SPTBN1: variants seen among roughly 807,000 people sequenced by gnomAD.
SPTBN1 encodes spectrin beta chain, non-erythrocytic 1.
SPTBN1 carries 32 observed loss-of-function variants against 266.4 expected under a neutral mutation model. The ratio of observed to expected loss-of-function variants is 0.12; its 90% CI spans 0.09 to 0.16. SPTBN1 has a LOEUF of 0.16. Ranked by LOEUF, SPTBN1 falls within the 10% of genes least tolerant of loss-of-function variation. SPTBN1 has a pLI of 1.00. For synonymous variants in SPTBN1, 1,336 were observed against 1,162.2 expected (o/e 1.15, Z -3.04); for missense variants, 2,296 against 3,067.1 (o/e 0.75, Z 5.94).
intron 1 of SPTBN1, among the ~76,000 whole-genome samples, chr2:54,479,044 C>T (rs569179005): frequency 1.3e-5 from 2 of 152,270 alleles, no homozygotes; most frequent in Non-Finnish European, 2.9e-5. Flanking sequence ...TCCTGGCTGC[C>T]TGGCCAGGCT....
chr2:54,490,253 G>T (rs1336255998), intron 1 of SPTBN1, among the ~76,000 whole-genome samples: 1 of 152,004 alleles, frequency 6.6e-6, no homozygotes, highest in Non-Finnish European at 1.5e-5. Flanking sequence ...TGTATTTTTA[G>T]TAGAGACAGG....
chr2:54,647,578 C>T (rs1680003491), intron 24 of SPTBN1, among the ~76,000 whole-genome samples: 1 of 152,180 alleles, frequency 6.6e-6, no homozygotes, highest in African/African-American at 2.4e-5. Flanking sequence ...GTGGCTTACA[C>T]TTGTAATCCC....
intron 2 of SPTBN1, among the ~76,000 whole-genome samples, chr2:54,595,458 G>C (rs1676006969): frequency 6.6e-6 from 1 of 152,232 alleles, no homozygotes; most frequent in East Asian, 1.9e-4. Context: ...GGGAGGACTT[G>C]ATAACAGCGA....
At chr2:54,563,210 T>C (rs1243378780) in intron 2 of SPTBN1, among the ~76,000 whole-genome samples, 4 of 152,200 alleles carry the variant, frequency 2.6e-5, no homozygotes, top group Non-Finnish European at 5.9e-5. Flanking sequence ...TGGTTCCCTC[T>C]CCTGCCAACC....
intron 1 of SPTBN1, among the ~76,000 whole-genome samples, chr2:54,512,927 G>A (rs1371305337): frequency 6.6e-6 from 1 of 152,186 alleles, no homozygotes. Flanking sequence ...GGCTGGGCAC[G>A]GTGGCTTAGG....
At position 54,526,483 on chromosome 2, in the gene SPTBN1, A is replaced by G. The variant is rs993278681; in HGVS notation, c.65A>G (p.Asn22Ser). ...IEIQQQYSDV[N>S]NRWDVDDWDN... is the part of the protein sequence containing the mutation. ...ATCCAGCAGCAGTACAGTGATGTCA[A>G]CAACCGCTGGGATGTCGACGACTGG... The change falls in exon 2 of 36, where the codon AAC (asparagine) becomes AGC (serine). Residue 22 changes from asparagine to serine, a missense_variant. Asn to Ser is a conservative substitution (Grantham distance 46, BLOSUM62 1). Transcript: ENST00000356805. 4 of 1,614,226 alleles carry G rather than the reference A, an allele frequency of 2.5e-6. No individual in the cohort carries two copies. The highest frequency in any genetic ancestry group is 3.4e-6 in the Non-Finnish European group (4 of 1,180,044).
rs1489594545 is a variant in SPTBN1, at chr2:54,629,574, C to T, written c.2440C>T (p.His814Tyr). Residue 814 changes from histidine to tyrosine, a missense_variant, in exon 14 of 36, where the codon CAT (histidine) becomes TAT (tyrosine). By Grantham distance (83) the His-to-Tyr change is moderately conservative. This residue lies in a region of SPTBN1 where 434 missense variants were observed against 573.9 expected (regional missense o/e 0.76). Coordinates refer to ENST00000356805, the MANE Select transcript of SPTBN1 (RefSeq NM_003128.3). ...HEQASALPQE[H>Y]AESPDVRGRL... ...ACAAGCCAGCGCCCTCCCCCAGGAG[C>T]ATGCCGAGTCTCCAGACGTGAGGGG... 1.2e-6 allele frequency: 2 copies of T among 1,614,082 alleles called. No homozygotes were observed. Among genetic ancestry groups the T allele is most frequent in the African/African-American group, 2.7e-5 (2 of 75,066 alleles).
At chr2:54,529,381 G>A (rs759316784) in intron 2 of SPTBN1, 16 of 661,718 alleles carry the variant, frequency 2.4e-5, no homozygotes, top group East Asian at 8.7e-5. Flanking sequence ...CTCCTGGCCC[G>A]CCTAAAGCTG....
chr2:54,654,922 C>G, intron 27 of SPTBN1, 148 bp from the exon 28 acceptor site: 1 of 1,166,892 alleles, frequency 8.6e-7, no homozygotes, highest in South Asian at 1.7e-5. Flanking sequence ...AGTGGCCCAG[C>G]CTAAGCTCAG....
chr2:54,544,796 C>CT (rs1672140700), intron 2 of SPTBN1, among the ~76,000 whole-genome samples: 1 of 151,840 alleles, frequency 6.6e-6, no homozygotes, highest in Non-Finnish European at 1.5e-5. Flanking sequence ...TTTTATTATA[C>CT]TTTAAGTTCT....
intron 32 of SPTBN1, chr2:54,660,321 T>A (rs1680952191): frequency 3.1e-6 from 4 of 1,285,898 alleles, no homozygotes; most frequent in Non-Finnish European, 3.9e-6. Context: ...TTATTAAGAT[T>A]TTACAGCGAA....
chr2:54,500,205 A>G (rs929155100), intron 1 of SPTBN1, among the ~76,000 whole-genome samples: 2 of 152,212 alleles, frequency 1.3e-5, no homozygotes, highest in African/African-American at 4.8e-5. Context: ...TTTATGTTTG[A>G]GACATTTTAT....
At position 54,669,544 on chromosome 2, in the gene SPTBN1, A is replaced by G. The variant is rs1231650469; in HGVS notation, c.*975A>G. On this transcript the variant is annotated 3_prime_UTR_variant, in exon 36 of 36. Transcript: ENST00000356805. ...CACAATCAAAATGACATTGATAGGAATGAACTCCAGAGGCTGGGCCTGAAC... is the reference window on the plus strand; with the variant it reads ...CACAATCAAAATGACATTGATAGGAGTGAACTCCAGAGGCTGGGCCTGAAC... 1.3e-5 allele frequency: 2 copies of G among 152,670 alleles called. No homozygotes were observed. The highest frequency in any genetic ancestry group is 2.9e-5 in the Non-Finnish European group (2 of 68,038). The allele number at this position is 152,670 out of a possible 1,614,324, so 9.5% of individuals were successfully genotyped here.
chr2:54,502,976 CTG>C (rs908340357), intron 1 of SPTBN1, among the ~76,000 whole-genome samples: 3 of 152,190 alleles, frequency 2.0e-5, no homozygotes, highest in Non-Finnish European at 4.4e-5. Flanking sequence ...CATGTTCCCT[CTG>C]TGGTCATGAG....
rs1668264724 is a variant in SPTBN1, at chr2:54,484,716, A to G, written c.-48+28198A>G. ...AAGTAGAGAAGTGTTAACTCCTGGGAGTAGTTCGTTGGTTTTCCCTTCATC... is the reference window on the plus strand; with the variant it reads ...AAGTAGAGAAGTGTTAACTCCTGGGGGTAGTTCGTTGGTTTTCCCTTCATC... On this transcript the variant is annotated intron_variant, in intron 1 of 35. Coordinates refer to ENST00000356805, the MANE Select transcript of SPTBN1 (RefSeq NM_003128.3). Among the ~76,000 whole-genome samples, 3 of 151,884 alleles carry G rather than the reference A, an allele frequency of 2.0e-5. No homozygotes were observed. In the South Asian group the frequency reaches 6.3e-4, roughly 32 times the overall value.
chr2:54,489,337 G>C (rs1203488810), intron 1 of SPTBN1, among the ~76,000 whole-genome samples: 1 of 150,862 alleles, frequency 6.6e-6, no homozygotes, highest in East Asian at 1.9e-4. Flanking sequence ...AAAAAAAATA[G>C]TAAATGGTAT....
At chr2:54,615,267 T>C (rs1677522882) in intron 4 of SPTBN1, among the ~76,000 whole-genome samples, 1 of 152,212 alleles carries the variant, frequency 6.6e-6, no homozygotes, top group African/African-American at 2.4e-5. Context: ...GGGAAGTGTT[T>C]GTAGATTGAA....
At chr2:54,551,208 C>T (rs1672546913) in intron 2 of SPTBN1, among the ~76,000 whole-genome samples, 1 of 152,222 alleles carries the variant, frequency 6.6e-6, no homozygotes, top group African/African-American at 2.4e-5. Context: ...TGGCTCTGAA[C>T]ACCTGTGTGT....
chr2:54,592,384 T>C (rs1171564822), intron 2 of SPTBN1, among the ~76,000 whole-genome samples: 1 of 103,244 alleles, frequency 9.7e-6, no homozygotes, highest in African/African-American at 9.3e-5. Flanking sequence ...TTTTTTTCTT[T>C]TTTCTTTTTT....
Sources: gnomAD v4.1 joint callset for allele counts (sites outside exome capture counted in the v4.1 genomes callset) on GRCh38, gnomAD v4.1.1 for gene constraint, gnomAD v4.1.1 regional missense constraint, MANE v1.5 for transcripts, NCBI Gene and HGNC (gene_info 2026-07-23, HGNC 2026-07-21) for gene names.